The following ATL2 variants were observed in gnomAD, a reference collection of about 807,000 sequenced individuals.
ATL2 encodes atlastin GTPase 2, also known as atlastin-2.
ATL2 carries 31 observed loss-of-function variants against 73.9 expected under a neutral mutation model. The ratio of observed to expected loss-of-function variants is 0.42; its 90% CI spans 0.32 to 0.57. ATL2 has a LOEUF of 0.57. Ranked by LOEUF, ATL2 falls within the 20% of genes least tolerant of loss-of-function variation. The pLI, the probability that ATL2 is intolerant of heterozygous loss-of-function variation, is 0.14. For missense variants in ATL2, 738 were observed against 702.6 expected (o/e 1.05, Z -0.57); for synonymous variants, 291 against 237.5 (o/e 1.23, Z -2.07).
intron 1 of ATL2, among the ~76,000 whole-genome samples, chr2:38,353,311 A>G (rs932158219): frequency 6.6e-6 from 1 of 152,220 alleles, no homozygotes; most frequent in African/African-American, 2.4e-5. Context: ...AGTAATTAAA[A>G]TGAAATACTC....
chr2:38,342,477 C>CA (rs960918324), intron 2 of ATL2, among the ~76,000 whole-genome samples: 7 of 152,034 alleles, frequency 4.6e-5, no homozygotes, highest in African/African-American at 1.7e-4. Context: ...ATGGCATACT[C>CA]AAGGAACAGC....
chr2:38,358,111 C>G (rs1193974782), intron 1 of ATL2, among the ~76,000 whole-genome samples: 1 of 152,126 alleles, frequency 6.6e-6, no homozygotes, highest in Non-Finnish European at 1.5e-5. Flanking sequence ...GCCAAAATTG[C>G]TGGTCCTCAG....
chr2:38,348,408 G>T (rs536292871), intron 1 of ATL2, among the ~76,000 whole-genome samples: 1 of 151,912 alleles, frequency 6.6e-6, no homozygotes, highest in South Asian at 2.1e-4. Flanking sequence ...GGAGGTTGCG[G>T]TGAGCCAAGA....
chr2:38,377,335 C>T (rs1282399867), upstream of ATL2: 1 of 1,352,242 alleles, frequency 7.4e-7, no homozygotes, highest in African/African-American at 1.5e-5. Flanking sequence ...CGGGAGCCGG[C>T]GGGGTGGCCG....
intron 4 of ATL2, among the ~76,000 whole-genome samples, chr2:38,315,805 G>A (rs1225729923): frequency 6.6e-6 from 1 of 152,126 alleles, no homozygotes; most frequent in African/African-American, 2.4e-5. Context: ...CACTACTACT[G>A]ACTCTAGTGT....
intron 6 of ATL2, 119 bp downstream of exon 6, chr2:38,314,489 T>C (rs1184977797): frequency 3.1e-6 from 2 of 651,078 alleles, no homozygotes; most frequent in African/African-American, 1.8e-5. Context: ...TCGATTGCAC[T>C]GAATCTGTTG....
rs55964015 is a variant in ATL2, at chr2:38,370,448, C to CAAAAAAAAA, written c.118+6686_118+6694dup. 2.5e-4 allele frequency among the ~76,000 whole-genome samples: 14 copies of CAAAAAAAAA among 55,212 alleles called. 2 individuals carry two copies. Among genetic ancestry groups the CAAAAAAAAA allele is most frequent in the Non-Finnish European group, 5.0e-4 (13 of 26,216 alleles). 36.2% of individuals were successfully genotyped at this position (55,212 alleles called of 152,430 possible). A position where few individuals can be genotyped will look rare whatever the true frequency, so the allele number is the denominator to read the frequency against. On this transcript the variant is annotated intron_variant, in intron 1 of 12. Transcript: ENST00000378954. The stretch of plus-strand genomic sequence containing the variant: ...TGGGAGACAGAGTGAGACTCTGTCC[C>CAAAAAAAAA]AAAAAAAAAAAAAAAAAAAAAAAAA...
intron 2 of ATL2, among the ~76,000 whole-genome samples, chr2:38,322,552 A>G (rs901620676): frequency 2.0e-5 from 3 of 152,248 alleles, no homozygotes; most frequent in Non-Finnish European, 2.9e-5. Context: ...ATAAATTTTT[A>G]TAAGTATAGA....
intron 5 of ATL2, 149 bp from the exon 6 acceptor site, chr2:38,314,813 C>G (rs1667940515): frequency 1.8e-6 from 1 of 555,478 alleles, no homozygotes; most frequent in African/African-American, 1.9e-5. Flanking sequence ...TAGGTATGTA[C>G]AAAATTTCTT....
chr2:38,343,251 T>C lies in ATL2; in HGVS notation c.363+17A>G. 6.4e-7 allele frequency: 1 copy of C among 1,566,762 alleles called. No homozygotes were observed. The highest frequency in any genetic ancestry group is 8.6e-7 in the Non-Finnish European group (1 of 1,164,902). On this transcript the variant is annotated intron_variant, in intron 2 of 12. Coordinates refer to ENST00000378954, the MANE Select transcript of ATL2 (RefSeq NM_001135673.4). ...CTTTTTTCTTTTTAATTGGGTTCAA[T>C]TTAAAAGACTATTCACCTTGTTATA...
chr2:38,351,703 G>C (rs554350762), intron 1 of ATL2, among the ~76,000 whole-genome samples: 34 of 152,026 alleles, frequency 2.2e-4, no homozygotes, highest in South Asian at 1.7e-3. Context: ...ACCTTGATCA[G>C]GCTGGTCTCA....
chr2:38,300,380 C>T lies in ATL2; in HGVS notation c.1072-52G>A, dbSNP rs755974120. 1.2e-5 allele frequency: 16 copies of T among 1,282,960 alleles called. No individual in the cohort carries two copies. The South Asian group carries it at 1.7e-4, about 14-fold the overall frequency. 79.5% of individuals were successfully genotyped at this position (1,282,960 alleles called of 1,614,324 possible). ...TGACGGATTATGCAATTTGGCTCCA[C>T]ATCCCCAAAGAAAGAAAAGTCATTA... On this transcript the variant is annotated intron_variant, in intron 9 of 12. Coordinates refer to ENST00000378954, the MANE Select transcript of ATL2 (RefSeq NM_001135673.4).
chr2:38,366,738 C>G (rs568135594), intron 1 of ATL2, among the ~76,000 whole-genome samples: 118 of 152,336 alleles, frequency 7.7e-4, no homozygotes, highest in Non-Finnish European at 1.2e-3. Flanking sequence ...GAACAAGCAT[C>G]TGTCTACATT....
intron 3 of ATL2, 52 bp from the exon 4 acceptor site, chr2:38,318,691 T>A: frequency 6.9e-7 from 1 of 1,448,986 alleles, no homozygotes; most frequent in Non-Finnish European, 9.4e-7. Flanking sequence ...CAAAAATGAC[T>A]ATAAAAAAAA....
intron 2 of ATL2, among the ~76,000 whole-genome samples, chr2:38,342,308 G>C (rs950073115): frequency 6.6e-6 from 1 of 151,602 alleles, no homozygotes; most frequent in Non-Finnish European, 1.5e-5. Context: ...CCATGACAGA[G>C]ATTAAAGTAG....
chr2:38,359,827 T>TA (rs909843113), intron 1 of ATL2, among the ~76,000 whole-genome samples: 9 of 151,738 alleles, frequency 5.9e-5, no homozygotes, highest in Admixed American at 2.6e-4. Context: ...TAAGTGTACT[T>TA]AAAAAAAATA....
chr2:38,347,768 T>G (rs1477196680), intron 1 of ATL2, among the ~76,000 whole-genome samples: 3 of 120,090 alleles, frequency 2.5e-5, no homozygotes, highest in Admixed American at 8.0e-5. Flanking sequence ...TGCCCTTACC[T>G]TTTTTTTTTT....
intron 1 of ATL2, among the ~76,000 whole-genome samples, chr2:38,344,357 C>G (rs1335607572): frequency 6.6e-6 from 1 of 152,164 alleles, no homozygotes; most frequent in Admixed American, 6.6e-5. Flanking sequence ...TGGGTGTAAT[C>G]CCAACACTTT....
chr2:38,294,907 T>A lies in ATL2; in HGVS notation c.*1087A>T, dbSNP rs1004542696. On this transcript the variant is annotated 3_prime_UTR_variant, in exon 13 of 13. Coordinates refer to ENST00000378954, the MANE Select transcript of ATL2 (RefSeq NM_001135673.4). Reference sequence around the variant, plus strand: ...TCATTTTATATATACAACAAATTTTTAATTATGTACTGAAAATAAATTACA... The same window carrying A: ...TCATTTTATATATACAACAAATTTTAAATTATGTACTGAAAATAAATTACA... 2.8e-4 allele frequency: 41 copies of A among 148,938 alleles called. No homozygotes were observed. Among genetic ancestry groups the A allele is most frequent in the Admixed American group, 2.5e-3 (36 of 14,418 alleles). 9.2% of individuals were successfully genotyped at this position (148,938 alleles called of 1,614,324 possible). A position where few individuals can be genotyped will look rare whatever the true frequency, so the allele number is the denominator to read the frequency against.
Sources: allele counts gnomAD v4.1 joint callset (sites outside exome capture counted in the v4.1 genomes callset), GRCh38; gene constraint gnomAD v4.1.1; transcripts MANE v1.5; gene names NCBI Gene and HGNC (gene_info 2026-07-23, HGNC 2026-07-21).